Variants in OLFM3 observed in about 807,000 individuals in gnomAD.
OLFM3 encodes noelin-3.
A neutral mutation model predicts 48.6 loss-of-function variants in OLFM3; 20 were observed. The observed-to-expected ratio is 0.41, with a 90% CI of 0.29 to 0.60. OLFM3 has a LOEUF of 0.60. Among genes scored for constraint, OLFM3 ranks in the 20% least tolerant of loss-of-function variants. The pLI is 0.28. For missense variants in OLFM3, 437 were observed against 544.3 expected (o/e 0.80, Z 1.96); for synonymous variants, 222 against 198.1 (o/e 1.12, Z -1.01).
chr1:101,813,142 A>T lies in OLFM3; in HGVS notation c.593-6960T>A, dbSNP rs1323233882. ...TTTCTTCTTCTTTTCTCTTTTTTAA[A>T]TCAACTGGAAAGGAAATTTAAAGAA... On this transcript the variant is annotated intron_variant, in intron 4 of 5. Transcript: ENST00000370103. 2.4e-6 allele frequency: 3 copies of T among 1,267,984 alleles called. No individual in the cohort carries two copies. In the Admixed American group the frequency reaches 7.0e-5, roughly 29 times the overall value. The allele number at this position is 1,267,984 out of a possible 1,614,324, so 78.5% of individuals were successfully genotyped here.
chr1:101,826,171 C>A, intron 3 of OLFM3, among the ~76,000 whole-genome samples: 1 of 147,454 alleles, frequency 6.8e-6, no homozygotes. Context: ...CACACACACA[C>A]ACACAGTGTA....
chr1:101,932,540 T>C (rs546946326), intron 1 of OLFM3, among the ~76,000 whole-genome samples: 3 of 152,264 alleles, frequency 2.0e-5, no homozygotes, highest in South Asian at 2.1e-4. Context: ...CTGGTGACAC[T>C]GTGGGAAGAG....
intron 1 of OLFM3, among the ~76,000 whole-genome samples, chr1:101,938,599 C>G (rs1659693807): frequency 6.6e-6 from 1 of 152,210 alleles, no homozygotes; most frequent in African/African-American, 2.4e-5. Context: ...CATCATAGCA[C>G]AGGCTGCTTT....
At chr1:101,857,928 C>G (rs1435647693) in intron 1 of OLFM3, among the ~76,000 whole-genome samples, 1 of 152,036 alleles carries the variant, frequency 6.6e-6, no homozygotes, top group Non-Finnish European at 1.5e-5. Flanking sequence ...TCCACTCATT[C>G]AACACTGTTT....
chr1:101,948,989 T>C (rs539649857), intron 1 of OLFM3, among the ~76,000 whole-genome samples: 1 of 151,320 alleles, frequency 6.6e-6, no homozygotes, highest in East Asian at 1.9e-4. Flanking sequence ...GTTAGGATTG[T>C]AAAAAAGTGA....
intron 1 of OLFM3, among the ~76,000 whole-genome samples, chr1:101,925,734 T>C (rs1025171836): frequency 1.3e-5 from 2 of 151,630 alleles, no homozygotes; most frequent in Non-Finnish European, 2.9e-5. Flanking sequence ...TCTGTATGAG[T>C]GCCCAGGCTG....
intron 1 of OLFM3, among the ~76,000 whole-genome samples, chr1:101,870,687 A>G (rs1239923049): frequency 6.6e-6 from 1 of 152,076 alleles, no homozygotes; most frequent in African/African-American, 2.4e-5. Flanking sequence ...CCTGGCCTCA[A>G]GCAAACTTAG....
chr1:101,909,758 G>T (rs1456142144), intron 1 of OLFM3, among the ~76,000 whole-genome samples: 1 of 152,016 alleles, frequency 6.6e-6, no homozygotes, highest in Non-Finnish European at 1.5e-5. Context: ...TTTTGATGCT[G>T]GTAAGTTATG....
chr1:101,901,240 G>C (rs1159476689), intron 1 of OLFM3, among the ~76,000 whole-genome samples: 2 of 152,072 alleles, frequency 1.3e-5, no homozygotes, highest in Non-Finnish European at 2.9e-5. Flanking sequence ...ACTGTTGGAA[G>C]AACCAGGGAA....
intron 1 of OLFM3, among the ~76,000 whole-genome samples, chr1:101,842,109 T>C (rs1655749607): frequency 6.6e-6 from 1 of 152,216 alleles, no homozygotes; most frequent in South Asian, 2.1e-4. Context: ...TTTCTTGCTA[T>C]TACTTATAAT....
chr1:101,854,708 GCCCCTTTCATGA>G (rs1656349294), intron 1 of OLFM3, among the ~76,000 whole-genome samples: 3 of 151,922 alleles, frequency 2.0e-5, no homozygotes, highest in African/African-American at 7.2e-5. Context: ...TTCCTATCTA[GCCCCTTTCATGA>G]TATAGTGCCA....
intron 1 of OLFM3, among the ~76,000 whole-genome samples, chr1:101,968,417 G>A (rs1660682271): frequency 6.7e-6 from 1 of 150,034 alleles, no homozygotes; most frequent in East Asian, 2.0e-4. Flanking sequence ...ACAGAATCAT[G>A]TTTAGTCCAT....
intron 1 of OLFM3, among the ~76,000 whole-genome samples, chr1:101,983,285 T>G (rs1244222656): frequency 6.6e-6 from 1 of 152,206 alleles, no homozygotes; most frequent in Non-Finnish European, 1.5e-5. Flanking sequence ...GGAATATCTT[T>G]TCATTCTTCA....
chr1:101,972,935 C>T (rs1222992918), intron 1 of OLFM3, among the ~76,000 whole-genome samples: 2 of 152,022 alleles, frequency 1.3e-5, no homozygotes, highest in African/African-American at 2.4e-5. Context: ...GCCTCCTCTG[C>T]GGCAATGGCA....
chr1:101,819,824 C>A (rs554655287), intron 4 of OLFM3, among the ~76,000 whole-genome samples: 1 of 152,010 alleles, frequency 6.6e-6, no homozygotes, highest in African/African-American at 2.4e-5. Flanking sequence ...GAATCTTTGG[C>A]AAGTTAATTT....
intron 1 of OLFM3, chr1:101,837,975 A>G (rs1428526929): frequency 6.6e-6 from 1 of 152,100 alleles, no homozygotes; most frequent in Non-Finnish European, 1.5e-5. Flanking sequence ...TGCCTTTCAC[A>G]TATCTCATTT....
At chr1:101,995,720 A>C (rs754552938) in intron 1 of OLFM3, among the ~76,000 whole-genome samples, 2 of 152,230 alleles carry the variant, frequency 1.3e-5, no homozygotes, top group African/African-American at 4.8e-5. Flanking sequence ...CATGATGTAA[A>C]GCTTTAAAAA....
chr1:101,927,241 T>C (rs1659299450), intron 1 of OLFM3, among the ~76,000 whole-genome samples: 1 of 152,130 alleles, frequency 6.6e-6, no homozygotes, highest in Admixed American at 6.6e-5. Flanking sequence ...TGATATAAAA[T>C]GTCATTTTTT....
At chr1:101,933,101 C>T (rs1188119948) in intron 1 of OLFM3, among the ~76,000 whole-genome samples, 22 of 142,160 alleles carry the variant, frequency 1.5e-4, no homozygotes, top group Non-Finnish European at 3.2e-4. Flanking sequence ...ACTTGGGAGG[C>T]TGAGGCAGGA....
Sources: allele counts gnomAD v4.1 joint callset (sites outside exome capture counted in the v4.1 genomes callset), GRCh38; gene constraint gnomAD v4.1.1; transcripts MANE v1.5; gene names NCBI Gene and HGNC (gene_info 2026-07-23, HGNC 2026-07-21).